Variants in PNPLA8 observed in about 807,000 individuals in gnomAD.
The protein encoded by PNPLA8 is calcium-independent phospholipase A2-gamma.
PNPLA8 carries 39 observed loss-of-function variants against 76.9 expected under a neutral mutation model. The observed-to-expected ratio is 0.51, with a 90% confidence interval of 0.39 to 0.66. The LOEUF (loss-of-function observed/expected upper bound fraction) is 0.66, where lower values mean the gene tolerates loss of function less well. Among genes scored for constraint, PNPLA8 ranks in the 30% least tolerant of loss-of-function variants. PNPLA8 has a pLI of 0.00. For synonymous variants in PNPLA8, 301 were observed against 307.9 expected, an observed-to-expected ratio of 0.98 and a Z score of 0.24; for missense variants, 887 against 918.0, an observed-to-expected ratio of 0.97 and a Z score of 0.44.
chr7:108,507,097 C>T (rs1862492565), intron 4 of PNPLA8, among the ~76,000 whole-genome samples: 1 of 152,084 alleles, frequency 6.6e-6, no homozygotes, highest in South Asian at 2.1e-4. Flanking sequence ...AATCCCAGCA[C>T]TTTGGGCGGC....
chr7:108,502,185 G>GT (rs1472953636), intron 5 of PNPLA8, among the ~76,000 whole-genome samples: 3 of 151,572 alleles, frequency 2.0e-5, no homozygotes, highest in Non-Finnish European at 4.4e-5. Context: ...GCTCGCGCCT[G>GT]TAATCCTAGC....
chr7:108,523,859 T>C (rs1017205433), intron 1 of PNPLA8, among the ~76,000 whole-genome samples: 3 of 151,504 alleles, frequency 2.0e-5, no homozygotes, highest in African/African-American at 7.3e-5. Context: ...ACTTTGAAAG[T>C]AAGGGAAAAA....
intron 8 of PNPLA8, among the ~76,000 whole-genome samples, chr7:108,489,454 T>C (rs1017602617): frequency 1.7e-4 from 26 of 152,212 alleles, no homozygotes; most frequent in African/African-American, 6.0e-4. Flanking sequence ...CACATTGACA[T>C]CTCAAATCTC....
rs576617253 is a variant in PNPLA8 at position 108,494,155 on chromosome 7, T to C, written c.1625+2429A>G. Among the ~76,000 whole-genome samples the C allele has an allele frequency of 3.4e-4, 52 of 152,316 alleles. No homozygotes were observed. The East Asian group carries it at 9.4e-3, about 28-fold the overall frequency. ...ACATATAAACTGAAAACTTTAGAAC[T>C]AGGAAATAATACAAATATTTACCTA... On this transcript the variant is annotated intron_variant, in intron 7 of 10. Transcript: ENST00000257694.
At chr7:108,526,180 GC>G, upstream of PNPLA8, 1 of 772,880 alleles carries the variant, frequency 1.3e-6, no homozygotes, top group Non-Finnish European at 1.6e-6. Context: ...GCCCCGCTCC[GC>G]CCCCAGCGGA....
intron 4 of PNPLA8, among the ~76,000 whole-genome samples, chr7:108,505,961 G>T (rs971314447): frequency 6.6e-6 from 1 of 152,054 alleles, no homozygotes; most frequent in African/African-American, 2.4e-5. Context: ...TACTTCACAA[G>T]GAAGTATAAA....
chr7:108,523,818 T>C (rs1863905851), intron 1 of PNPLA8, among the ~76,000 whole-genome samples: 4 of 152,112 alleles, frequency 2.6e-5, no homozygotes, highest in Non-Finnish European at 5.9e-5. Context: ...ACCCAGCAAG[T>C]ACTAGTGTGG....
At chr7:108,474,970 A>T (rs1859885189) in intron 10 of PNPLA8, among the ~76,000 whole-genome samples, 1 of 152,162 alleles carries the variant, frequency 6.6e-6, no homozygotes, top group African/African-American at 2.4e-5. Flanking sequence ...CAGTAAGCAA[A>T]GCTTCATCTG....
At chr7:108,510,780 T>A (rs1862859718) in intron 4 of PNPLA8, 1 of 1,601,556 alleles carries the variant, frequency 6.2e-7, no homozygotes, top group African/African-American at 1.3e-5. Flanking sequence ...AAATATGGCA[T>A]CATCTGCATG....
In PNPLA8 at chr7:108,515,710, T is replaced by C. The variant is rs557949478; in HGVS notation, c.-83-136A>G. 6 of 358,588 alleles carry C rather than the reference T, an allele frequency of 1.7e-5. No homozygotes were observed. In the South Asian group the frequency reaches 6.5e-4, roughly 39 times the overall value. The allele number at this position is 358,588 out of a possible 1,614,324, so 22.2% of individuals were successfully genotyped here. On this transcript the variant is annotated intron_variant, in intron 2 of 10. Coordinates refer to ENST00000257694, the MANE Select transcript of PNPLA8 (RefSeq NM_001256007.3). ...GACAAAATATTCCTATTATAGCTGA[T>C]AGAAAATTCATTTTTAAGCTAATAG...
chr7:108,516,485 T>G (rs1318896595), intron 2 of PNPLA8, among the ~76,000 whole-genome samples: 1 of 152,184 alleles, frequency 6.6e-6, no homozygotes, highest in Non-Finnish European at 1.5e-5. Context: ...AAAATGCAAA[T>G]GTATAAAACT....
chr7:108,515,055 T>TTTAACCAGCCAC lies in PNPLA8; in HGVS notation c.425_436dup (p.Ser142_Leu145dup), dbSNP rs1174034685. ...GATGGCTTGTTTGATGTTTTTCTGTTTTAACCAGCCACTATCCGATACTTT... is the reference window on the plus strand; with the variant it reads ...GATGGCTTGTTTGATGTTTTTCTGTTTTAACCAGCCACTTAACCAGCCACTATCCGATACTTT... On this transcript the variant is annotated inframe_insertion, in exon 3 of 11. Coordinates refer to ENST00000257694, the MANE Select transcript of PNPLA8 (RefSeq NM_001256007.3). 1 of 1,608,532 alleles carries TTTAACCAGCCAC rather than the reference T, an allele frequency of 6.2e-7. No homozygotes were observed. Among genetic ancestry groups the TTTAACCAGCCAC allele is most frequent in the East Asian group, 2.2e-5 (1 of 44,856 alleles).
intron 10 of PNPLA8, among the ~76,000 whole-genome samples, chr7:108,478,519 G>A (rs1344093808): frequency 6.6e-6 from 1 of 151,956 alleles, no homozygotes; most frequent in Admixed American, 6.6e-5. Context: ...GCCTTCCAAG[G>A]AGCTGGAATT....
At chr7:108,527,735 C>A (rs1313800252), upstream of PNPLA8, 1 of 152,082 alleles carries the variant, frequency 6.6e-6, no homozygotes, top group African/African-American at 2.4e-5. Context: ...TGAAGACAGG[C>A]GGAGATGATC....
chr7:108,526,471 C>T (rs947660010), upstream of PNPLA8, among the ~76,000 whole-genome samples: 3 of 152,200 alleles, frequency 2.0e-5, no homozygotes, highest in Admixed American at 1.3e-4. Flanking sequence ...CTGGGCGGGA[C>T]CTCGGAGCAG....
Position 108,487,783 on chromosome 7 carries a change from A to G in PNPLA8, c.1854T>C (p.Tyr618=), listed in dbSNP as rs767622743. 25 of 1,608,922 alleles carry G rather than the reference A, an allele frequency of 1.6e-5. No individual in the cohort carries two copies. Among genetic ancestry groups the G allele is most frequent in the Non-Finnish European group, 2.1e-5 (25 of 1,178,000 alleles). The change falls in exon 9 of 11, where the codon TAT becomes TAC. Residue 618 remains tyrosine (Y), a synonymous_variant. Transcript: ENST00000257694. ...CTTGATGAAGATCATTTCCCAATGC[A>G]TATTCTGCAAAGTAGCCTGGAGCAG... The part of the protein sequence containing the change: ...SSAAPGYFAE[Y]ALGNDLHQDG...
intron 8 of PNPLA8, among the ~76,000 whole-genome samples, chr7:108,490,733 G>A (rs1861100806): frequency 6.6e-6 from 1 of 150,684 alleles, no homozygotes; most frequent in African/African-American, 2.4e-5. Context: ...GCAGTGAGCC[G>A]AGATTGTGCC....
At chr7:108,514,314 G>T in intron 3 of PNPLA8, 21 bp from the exon 4 acceptor site, 1 of 1,587,162 alleles carries the variant, frequency 6.3e-7, no homozygotes, top group Non-Finnish European at 8.6e-7. Flanking sequence ...ATATTAAATA[G>T]ATATGATTAG....
intron 4 of PNPLA8, among the ~76,000 whole-genome samples, chr7:108,504,725 C>T (rs1033246058): frequency 6.6e-6 from 1 of 152,120 alleles, no homozygotes; most frequent in African/African-American, 2.4e-5. Flanking sequence ...TATACAGCTG[C>T]AAAAATTGAG....
Sources: gnomAD v4.1 joint callset for allele counts (sites outside exome capture counted in the v4.1 genomes callset) on GRCh38, gnomAD v4.1.1 for gene constraint, MANE v1.5 for transcripts, NCBI Gene and HGNC (gene_info 2026-07-23, HGNC 2026-07-21) for gene names.